The following CDH18 variants were observed in gnomAD, a reference collection of about 807,000 sequenced individuals.
CDH18 encodes the protein cadherin-18.
A neutral mutation model predicts 67.9 loss-of-function variants in CDH18; 31 were observed. That is an observed-to-expected ratio of 0.46 (90% confidence interval 0.34 to 0.62). The LOEUF is 0.62. Ranked by LOEUF, CDH18 falls within the 20% of genes least tolerant of loss-of-function variation. CDH18 has a pLI of 0.01. For synonymous variants in CDH18, 362 were observed against 347.2 expected (o/e 1.04, Z -0.48); for missense variants, 890 against 975.5 (o/e 0.91, Z 1.17).
chr5:19,684,757 C>T (rs943781185), intron 5 of CDH18, among the ~76,000 whole-genome samples: 1 of 151,668 alleles, frequency 6.6e-6, no homozygotes, highest in African/African-American at 2.4e-5. Context: ...AAGAATATTG[C>T]CTTAAAGAAT....
At chr5:19,564,508 G>A (rs1472900408) in intron 8 of CDH18, among the ~76,000 whole-genome samples, 1 of 152,164 alleles carries the variant, frequency 6.6e-6, no homozygotes, top group African/African-American at 2.4e-5. Flanking sequence ...CCCAGTCCTG[G>A]TGGAATTCAT....
At chr5:19,713,129 A>G (rs1027606228) in intron 5 of CDH18, among the ~76,000 whole-genome samples, 1 of 151,564 alleles carries the variant, frequency 6.6e-6, no homozygotes, top group Non-Finnish European at 1.5e-5. Flanking sequence ...AATAGTTACT[A>G]TTGAGATGCA....
At chr5:19,671,278 T>C (rs1351221380) in intron 5 of CDH18, among the ~76,000 whole-genome samples, 2 of 152,130 alleles carry the variant, frequency 1.3e-5, no homozygotes, top group Non-Finnish European at 2.9e-5. Context: ...TCTAAGATTA[T>C]TTAAATAGAA....
intron 1 of CDH18, among the ~76,000 whole-genome samples, chr5:20,330,720 G>A (rs1739089995): frequency 6.6e-6 from 1 of 152,154 alleles, no homozygotes. Flanking sequence ...ACCAAGGGAA[G>A]AATCAGGCGA....
chr5:20,005,417 C>CAT (rs1736813094), intron 2 of CDH18, among the ~76,000 whole-genome samples: 1 of 29,650 alleles, frequency 3.4e-5, no homozygotes, highest in Non-Finnish European at 5.7e-5. Flanking sequence ...TATATATGTA[C>CAT]ACACACACAC....
intron 8 of CDH18, among the ~76,000 whole-genome samples, chr5:19,555,605 C>G (rs1468797751): frequency 6.6e-6 from 1 of 152,194 alleles, no homozygotes; most frequent in Non-Finnish European, 1.5e-5. Flanking sequence ...CCATCCTCCA[C>G]AGCAGCCACA....
intron 2 of CDH18, among the ~76,000 whole-genome samples, chr5:19,877,661 C>T (rs1202430435): frequency 6.6e-6 from 1 of 152,064 alleles, no homozygotes; most frequent in Non-Finnish European, 1.5e-5. Flanking sequence ...TGGAACATTA[C>T]AGCTTGGAAG....
chr5:19,484,439 G>A (rs1297157998), intron 11 of CDH18, among the ~76,000 whole-genome samples: 3 of 152,036 alleles, frequency 2.0e-5, no homozygotes, highest in East Asian at 1.9e-4. Context: ...ATTGATGTCC[G>A]CAGTGCGCAT....
chr5:20,303,936 A>T, intron 1 of CDH18: 2 of 671,874 alleles, frequency 3.0e-6, no homozygotes, highest in Non-Finnish European at 5.3e-6. Context: ...CAAAAGTTTT[A>T]AGTTATCTGT....
At position 20,166,124 on chromosome 5, in the gene CDH18, T is replaced by C. The variant is rs149424634; in HGVS notation, c.-518+89320A>G. Reference sequence around the variant, plus strand: ...TTAGTGTTTTATTATACTCCTTTACTTTAAACAAACAAACAAATAGAAAAT... The same window carrying C: ...TTAGTGTTTTATTATACTCCTTTACCTTAAACAAACAAACAAATAGAAAAT... On this transcript the variant is annotated intron_variant, in intron 2 of 14. Transcript: ENST00000507958. Among the ~76,000 whole-genome samples, 147 of 152,022 alleles carry C rather than the reference T, an allele frequency of 9.7e-4. 2 individuals carry two copies. The East Asian group carries it at 0.018, about 19-fold the overall frequency.
At chr5:20,058,258 T>C (rs1304015267) in intron 2 of CDH18, among the ~76,000 whole-genome samples, 1 of 152,194 alleles carries the variant, frequency 6.6e-6, no homozygotes, top group Non-Finnish European at 1.5e-5. Context: ...CAAGTCATCA[T>C]AGTAGTGTTC....
intron 5 of CDH18, among the ~76,000 whole-genome samples, chr5:19,686,095 C>G (rs1174059466): frequency 2.0e-5 from 3 of 152,040 alleles, no homozygotes; most frequent in Non-Finnish European, 4.4e-5. Context: ...TTAATTAATT[C>G]ATACTAATAT....
intron 1 of CDH18, among the ~76,000 whole-genome samples, chr5:20,483,117 G>A (rs1026948855): frequency 2.0e-5 from 3 of 151,946 alleles, no homozygotes; most frequent in African/African-American, 7.2e-5. Flanking sequence ...GTTTCTATGT[G>A]TCAATAGTGA....
chr5:19,696,558 T>C (rs2150451249), intron 5 of CDH18, among the ~76,000 whole-genome samples: 1 of 149,412 alleles, frequency 6.7e-6, no homozygotes, highest in East Asian at 2.0e-4. Context: ...AGAGCCCAGC[T>C]GATGTTTTTG....
chr5:20,068,157 A>C (rs958946759), intron 2 of CDH18, among the ~76,000 whole-genome samples: 2 of 152,140 alleles, frequency 1.3e-5, no homozygotes, highest in African/African-American at 4.8e-5. Context: ...GCTGCCATGA[A>C]ATTAAAGCAA....
At chr5:19,891,026 T>G (rs1441634006) in intron 2 of CDH18, among the ~76,000 whole-genome samples, 2 of 152,168 alleles carry the variant, frequency 1.3e-5, no homozygotes, top group Admixed American at 6.5e-5. Flanking sequence ...ACATCCTTAG[T>G]AAGACTCTAA....
chr5:20,048,890 T>C (rs746714457), intron 2 of CDH18, among the ~76,000 whole-genome samples: 3 of 151,724 alleles, frequency 2.0e-5, no homozygotes, highest in Admixed American at 6.6e-5. Flanking sequence ...TGGATATCAA[T>C]AAGGCAACAT....
At chr5:19,490,430 C>CA (rs1741265354) in intron 11 of CDH18, among the ~76,000 whole-genome samples, 1 of 62,356 alleles carries the variant, frequency 1.6e-5, no homozygotes, top group Non-Finnish European at 2.9e-5. Flanking sequence ...TTTTTTGAGA[C>CA]AGAGTCTTGC....
At chr5:20,266,472 C>T (rs183949002) in intron 1 of CDH18, among the ~76,000 whole-genome samples, 6 of 151,812 alleles carry the variant, frequency 4.0e-5, no homozygotes, top group African/African-American at 1.2e-4. Context: ...GGTGCGATTT[C>T]ACCTCACTGC....
Sources: gnomAD v4.1 joint callset for allele counts (sites outside exome capture counted in the v4.1 genomes callset) on GRCh38, gnomAD v4.1.1 for gene constraint, MANE v1.5 for transcripts, NCBI Gene and HGNC (gene_info 2026-07-23, HGNC 2026-07-21) for gene names.